BCKDHB: variants seen among roughly 807,000 people sequenced by gnomAD.
The protein encoded by BCKDHB is branched chain keto acid dehydrogenase E1 subunit beta, also known as 2-oxoisovalerate dehydrogenase subunit beta, mitochondrial.
Under a neutral mutation model 48.5 loss-of-function variants are expected in BCKDHB, and 41 were observed. That is an observed-to-expected ratio of 0.85 (90% CI 0.66 to 1.10). The LOEUF is 1.10. Among genes scored for constraint, BCKDHB ranks in the 50% least tolerant of loss-of-function variants. BCKDHB has a pLI of 0.00. For missense variants in BCKDHB, 496 were observed against 494.2 expected (o/e 1.00, Z -0.03); for synonymous variants, 201 against 174.8 (o/e 1.15, Z -1.18).
chr6:80,381,511 C>T, the BCKDHB span, among the ~76,000 whole-genome samples: 1 of 152,038 alleles, frequency 6.6e-6, no homozygotes, highest in Non-Finnish European at 1.5e-5. Context: ...TCAAGTCTAT[C>T]ACATTTTAAT....
the BCKDHB span, among the ~76,000 whole-genome samples, chr6:80,407,014 T>C: frequency 1.7e-3 from 257 of 152,348 alleles, 1 homozygote; most frequent in Middle Eastern, 6.8e-3. Context: ...CTTTAATCCA[T>C]CTTGAGTTAA....
At chr6:80,361,326 A>G in the BCKDHB span, among the ~76,000 whole-genome samples, 1 of 151,858 alleles carries the variant, frequency 6.6e-6, no homozygotes, top group Non-Finnish European at 1.5e-5. Flanking sequence ...TCAGGTGTCT[A>G]CTCCTGCTCT....
At chr6:80,364,110 C>T in the BCKDHB span, among the ~76,000 whole-genome samples, 1 of 152,200 alleles carries the variant, frequency 6.6e-6, no homozygotes, top group Admixed American at 6.6e-5. Flanking sequence ...CAGTGATATC[C>T]TGCCTGTTTT....
the BCKDHB span, among the ~76,000 whole-genome samples, chr6:80,370,027 C>T: frequency 0.39 from 58,520 of 151,910 alleles, 12,479 homozygotes; most frequent in East Asian, 0.66. Context: ...AATATCAAAG[C>T]CAATAAAGTA....
intron 1 of BCKDHB, among the ~76,000 whole-genome samples, chr6:80,119,353 C>G (rs1769882254): frequency 6.6e-6 from 1 of 152,174 alleles, no homozygotes; most frequent in South Asian, 2.1e-4. Flanking sequence ...GAGTCTCACT[C>G]TGTCACGCAG....
chr6:80,355,693 G>C, the BCKDHB span: 1 of 152,066 alleles, frequency 6.6e-6, no homozygotes, highest in Non-Finnish European at 1.5e-5. Flanking sequence ...AACCCACAAG[G>C]GTTTCCCTAA....
chr6:80,186,354 C>T (rs1011978420), intron 6 of BCKDHB, among the ~76,000 whole-genome samples: 3 of 152,116 alleles, frequency 2.0e-5, no homozygotes, highest in Admixed American at 6.5e-5. Context: ...GGGGGAAAGC[C>T]GGCAGTGACA....
the BCKDHB span, among the ~76,000 whole-genome samples, chr6:80,389,941 G>A: frequency 3.7e-4 from 56 of 152,210 alleles, no homozygotes; most frequent in South Asian, 8.3e-3. Flanking sequence ...TCCTGTTCCC[G>A]TGACATTGTG....
intron 7 of BCKDHB, among the ~76,000 whole-genome samples, chr6:80,201,895 A>G (rs1006684976): frequency 1.3e-5 from 2 of 152,200 alleles, no homozygotes; most frequent in Non-Finnish European, 2.9e-5. Context: ...TAACAAAAAT[A>G]GTTTTCAATA....
chr6:80,401,860 TTAACA>T, the BCKDHB span, among the ~76,000 whole-genome samples: 1 of 151,882 alleles, frequency 6.6e-6, no homozygotes, highest in African/African-American at 2.4e-5. Flanking sequence ...CTTATTTCAC[TTAACA>T]TAATGTTCTC....
chr6:80,383,724 A>C, the BCKDHB span, among the ~76,000 whole-genome samples: 1 of 152,136 alleles, frequency 6.6e-6, no homozygotes, highest in African/African-American at 2.4e-5. Context: ...AAAAAGCATA[A>C]AATTGCAGTA....
intron 8 of BCKDHB, among the ~76,000 whole-genome samples, chr6:80,240,819 C>A (rs376897645): frequency 6.6e-6 from 1 of 152,130 alleles, no homozygotes; most frequent in South Asian, 2.1e-4. Context: ...TGGGGAAGTT[C>A]TCCTGGATAA....
intron 9 of BCKDHB, among the ~76,000 whole-genome samples, chr6:80,316,417 CTTTA>C (rs1293566941): frequency 2.6e-5 from 4 of 151,798 alleles, no homozygotes; most frequent in African/African-American, 7.3e-5. Flanking sequence ...TTTGCATCGA[CTTTA>C]TTTCAGTTCT....
chr6:80,416,774 ATTT>A, the BCKDHB span, among the ~76,000 whole-genome samples: 58 of 64,916 alleles, frequency 8.9e-4, no homozygotes, highest in Middle Eastern at 8.8e-3. Context: ...TTTTATTTTT[ATTT>A]TTTTTAATTT....
At chr6:80,461,645 T>G in the BCKDHB span, among the ~76,000 whole-genome samples, 1 of 152,302 alleles carries the variant, frequency 6.6e-6, no homozygotes, top group African/African-American at 2.4e-5. Flanking sequence ...TCTCTAGCTT[T>G]AGTGTTTTCC....
chr6:80,451,661 G>A, the BCKDHB span, among the ~76,000 whole-genome samples: 3 of 151,892 alleles, frequency 2.0e-5, no homozygotes, highest in South Asian at 2.1e-4. Context: ...CCTGGGAAGC[G>A]GAGGTTGCAA....
rs757436609 is a variant in BCKDHB, at chr6:80,171,262, A to T, written c.634-20A>T. On this transcript the variant is annotated intron_variant, in intron 5 of 9. Coordinates refer to ENST00000320393, the MANE Select transcript of BCKDHB (RefSeq NM_183050.4). ...GATATATTTTTACTAAAATTGTCTT[A>T]AAAAAATCTGTTTTTGCAGGTGGTT... is the stretch of plus-strand genomic sequence containing the variant. 8.6e-6 allele frequency: 13 copies of T among 1,509,960 alleles called. No homozygotes were observed. Among genetic ancestry groups the T allele is most frequent in the African/African-American group, 4.1e-5 (3 of 72,694 alleles). The allele number at this position is 1,509,960 out of a possible 1,614,324, so 93.5% of individuals were successfully genotyped here.
chr6:80,347,415 C>G (rs189544346), downstream of BCKDHB, among the ~76,000 whole-genome samples: 1 of 152,264 alleles, frequency 6.6e-6, no homozygotes, highest in African/African-American at 2.4e-5. Context: ...ACTAATGGCT[C>G]AAAGCATCCT....
chr6:80,238,527 A>G (rs1776239916), intron 8 of BCKDHB, among the ~76,000 whole-genome samples: 1 of 151,428 alleles, frequency 6.6e-6, no homozygotes, highest in Admixed American at 6.6e-5. Context: ...AGGCTCAGAG[A>G]CTCTCCAGCG....
Sources: allele counts gnomAD v4.1 joint callset (sites outside exome capture counted in the v4.1 genomes callset), GRCh38; gene constraint gnomAD v4.1.1; transcripts MANE v1.5; gene names NCBI Gene and HGNC (gene_info 2026-07-23, HGNC 2026-07-21).